Variants in SYNPR observed in about 807,000 individuals in gnomAD.
SYNPR encodes the protein synaptoporin.
A neutral mutation model predicts 32.9 loss-of-function variants in SYNPR; 23 were observed. The ratio of observed to expected loss-of-function variants is 0.70; its 90% CI spans 0.50 to 0.99. The LOEUF is 0.99. SYNPR is among the 50% of genes least tolerant of loss of function. The pLI, the probability that SYNPR is intolerant of heterozygous loss-of-function variation, is 0.00. For synonymous variants in SYNPR, 146 were observed against 135.9 expected (o/e 1.07, Z -0.52); for missense variants, 318 against 349.3 (o/e 0.91, Z 0.71).
At chr3:63,218,064 T>C in the SYNPR span, among the ~76,000 whole-genome samples, 1 of 152,026 alleles carries the variant, frequency 6.6e-6, no homozygotes, top group Non-Finnish European at 1.5e-5. Context: ...CAACGGGAGG[T>C]GGAGGTTGCA....
chr3:63,222,676 C>T, the SYNPR span, among the ~76,000 whole-genome samples: 4 of 152,180 alleles, frequency 2.6e-5, no homozygotes, highest in Admixed American at 6.5e-5. Context: ...GCCACCATGC[C>T]CAACTAATTT....
intron 2 of SYNPR, among the ~76,000 whole-genome samples, chr3:63,355,211 G>A (rs1382169456): frequency 6.6e-6 from 1 of 151,780 alleles, no homozygotes; most frequent in Non-Finnish European, 1.5e-5. Context: ...CCTTGGAGGT[G>A]GAGGTTGCGG....
the SYNPR span, among the ~76,000 whole-genome samples, chr3:63,210,130 T>C: frequency 6.6e-6 from 1 of 152,236 alleles, no homozygotes; most frequent in Non-Finnish European, 1.5e-5. Flanking sequence ...GTTAGTTTTG[T>C]GTAATTAGAG....
intron 4 of SYNPR, among the ~76,000 whole-genome samples, chr3:63,581,841 C>G (rs1340505062): frequency 6.6e-6 from 1 of 151,984 alleles, no homozygotes; most frequent in Non-Finnish European, 1.5e-5. Context: ...ATTGAACTCT[C>G]CCATATTTCC....
At chr3:63,249,640 C>A (rs1251269580) in intron 1 of SYNPR, among the ~76,000 whole-genome samples, 1 of 152,040 alleles carries the variant, frequency 6.6e-6, no homozygotes, top group African/African-American at 2.4e-5. Context: ...TCACAGATCA[C>A]CTCTGAAGAA....
intron 2 of SYNPR, among the ~76,000 whole-genome samples, chr3:63,470,380 A>G (rs1273129289): frequency 6.6e-6 from 1 of 152,198 alleles, no homozygotes; most frequent in Non-Finnish European, 1.5e-5. Context: ...AATCACTTCC[A>G]AATTGTTATT....
intron 2 of SYNPR, among the ~76,000 whole-genome samples, chr3:63,347,506 GGT>G (rs1239231832): frequency 1.3e-5 from 2 of 152,040 alleles, no homozygotes; most frequent in African/African-American, 2.4e-5. Context: ...ATAAATTTAA[GGT>G]ATACAAGTAC....
intron 2 of SYNPR, among the ~76,000 whole-genome samples, chr3:63,384,018 C>T (rs1197574100): frequency 6.6e-6 from 1 of 152,242 alleles, no homozygotes; most frequent in African/African-American, 2.4e-5. Context: ...CTTGATCAAA[C>T]ATCTAATGAC....
At chr3:63,586,791 G>A (rs998610430) in intron 4 of SYNPR, among the ~76,000 whole-genome samples, 3 of 151,662 alleles carry the variant, frequency 2.0e-5, no homozygotes, top group African/African-American at 7.3e-5. Flanking sequence ...CTATGCGCAA[G>A]GACCTCACAG....
chr3:63,415,089 A>G (rs1223928685), intron 2 of SYNPR, among the ~76,000 whole-genome samples: 1 of 152,240 alleles, frequency 6.6e-6, no homozygotes, highest in Non-Finnish European at 1.5e-5. Context: ...TAACAAAAAA[A>G]TCATACATGC....
intron 3 of SYNPR, among the ~76,000 whole-genome samples, chr3:63,268,559 A>G (rs1437798015): frequency 6.6e-6 from 1 of 152,220 alleles, no homozygotes; most frequent in Non-Finnish European, 1.5e-5. Context: ...GAGAAAGGAA[A>G]ATATTATTAA....
chr3:63,416,113 TTTACA>T (rs1488245823), intron 2 of SYNPR, among the ~76,000 whole-genome samples: 1 of 152,232 alleles, frequency 6.6e-6, no homozygotes, highest in Non-Finnish European at 1.5e-5. Flanking sequence ...ATCACTGAAC[TTTACA>T]TTTCAGTTCA....
intron 2 of SYNPR, among the ~76,000 whole-genome samples, chr3:63,401,134 G>T (rs2088284739): frequency 6.6e-6 from 1 of 151,972 alleles, no homozygotes; most frequent in Non-Finnish European, 1.5e-5. Flanking sequence ...GGTGGGAAAA[G>T]GAAAAGAGAT....
At position 63,466,228 on chromosome 3, in the gene SYNPR, C is replaced by CCTCTCT. The variant is rs60415902; in HGVS notation, c.85-14590_85-14585dup. On this transcript the variant is annotated intron_variant, in intron 2 of 5. Transcript: ENST00000478300. ...TCCTACTCCTTTTAATCTAGACGTT[C>CCTCTCT]CTCTCTCTCTCTCTCTCTCACCTCC... Among the ~76,000 whole-genome samples the CCTCTCT allele has an allele frequency of 7.9e-3, 1,170 of 148,150 alleles. 14 individuals are homozygous for CCTCTCT. The highest frequency in any genetic ancestry group is 0.026 in the African/African-American group (1,075 of 40,682).
chr3:63,395,642 C>T (rs913203148), intron 2 of SYNPR, among the ~76,000 whole-genome samples: 42 of 152,252 alleles, frequency 2.8e-4, no homozygotes, highest in African/African-American at 1.0e-3. Flanking sequence ...GCTGTCTTCC[C>T]ATTACATGTG....
rs146127327 is a variant in SYNPR, at chr3:63,362,842, A to T, written c.84+84100A>T. ...CTTTCCAAAATCTGTTCCTTTTAGT[A>T]CCTTGATTCTAAAATTGCTCTATAC... On this transcript the variant is annotated intron_variant, in intron 2 of 5. Transcript: ENST00000478300. Among the ~76,000 whole-genome samples the T allele has an allele frequency of 2.0e-5, 3 of 152,274 alleles. No homozygotes were observed. The East Asian group carries it at 5.8e-4, about 29-fold the overall frequency.
chr3:63,527,737 C>A (rs116517711), intron 3 of SYNPR, among the ~76,000 whole-genome samples: 2,506 of 152,232 alleles, frequency 0.016, 78 homozygotes, highest in African/African-American at 0.057. Context: ...TTAAGCCCAG[C>A]AACCCCCTGA....
intron 3 of SYNPR, among the ~76,000 whole-genome samples, chr3:63,536,782 A>C (rs976998986): frequency 1.3e-5 from 2 of 152,174 alleles, no homozygotes; most frequent in African/African-American, 4.8e-5. Flanking sequence ...ATGGAATATT[A>C]TTTAGCAATA....
intron 2 of SYNPR, among the ~76,000 whole-genome samples, chr3:63,360,372 A>G (rs899729267): frequency 2.6e-5 from 4 of 152,178 alleles, no homozygotes; most frequent in African/African-American, 7.2e-5. Context: ...GACCATTGTG[A>G]TGACTTATTT....
Sources: allele counts gnomAD v4.1 joint callset (sites outside exome capture counted in the v4.1 genomes callset), GRCh38; gene constraint gnomAD v4.1.1; transcripts MANE v1.5; gene names NCBI Gene and HGNC (gene_info 2026-07-23, HGNC 2026-07-21).